Variants in MBOAT2 observed in about 807,000 individuals in gnomAD.
The protein encoded by MBOAT2 is membrane-bound glycerophospholipid O-acyltransferase 2.
MBOAT2 carries 28 observed loss-of-function variants against 63.4 expected under a neutral mutation model. That is an observed-to-expected ratio of 0.44 (90% CI 0.33 to 0.61). MBOAT2 has a LOEUF of 0.61. Ranked by LOEUF, MBOAT2 falls within the 20% of genes least tolerant of loss-of-function variation. MBOAT2 has a pLI of 0.03. For missense variants in MBOAT2, 470 were observed against 605.8 expected (o/e 0.78, Z 2.35); for synonymous variants, 211 against 215.6 (o/e 0.98, Z 0.19).
chr2:8,874,529 A>G (rs1020112647), intron 7 of MBOAT2, among the ~76,000 whole-genome samples: 3 of 152,144 alleles, frequency 2.0e-5, no homozygotes, highest in African/African-American at 7.2e-5. Flanking sequence ...CCACGAGACT[A>G]TATGGTTCTG....
chr2:8,891,915 C>T (rs954835241), intron 4 of MBOAT2, among the ~76,000 whole-genome samples: 1 of 152,210 alleles, frequency 6.6e-6, no homozygotes, highest in African/African-American at 2.4e-5. Flanking sequence ...TGAAATATAA[C>T]TGTCCAAAGT....
chr2:8,963,306 C>A (rs1266878687), intron 1 of MBOAT2, among the ~76,000 whole-genome samples: 1 of 151,780 alleles, frequency 6.6e-6, no homozygotes, highest in African/African-American at 2.4e-5. Context: ...CAAAAAGAAA[C>A]TAATTTTTTT....
At position 8,855,504 on chromosome 2, in the gene MBOAT2, T is replaced by C. The variant is rs1661025468; in HGVS notation, c.*3175A>G. 1.3e-5 allele frequency: 2 copies of C among 152,344 alleles called. No homozygotes were observed. Among genetic ancestry groups the C allele is most frequent in the South Asian group, 2.1e-4 (1 of 4,826 alleles). The allele number at this position is 152,344 out of a possible 1,614,324, so 9.4% of individuals were successfully genotyped here. A position where few individuals can be genotyped will look rare whatever the true frequency, so the allele number is the denominator to read the frequency against. ...GAAATCCTGTGTGTGTCACACATGG[T>C]GGAGACCAATAAATATATTTTTGAA... On this transcript the variant is annotated 3_prime_UTR_variant, in exon 13 of 13. Transcript: ENST00000305997.
At chr2:8,894,232 T>A (rs1327767888) in intron 4 of MBOAT2, among the ~76,000 whole-genome samples, 1 of 152,194 alleles carries the variant, frequency 6.6e-6, no homozygotes, top group Non-Finnish European at 1.5e-5. Flanking sequence ...CCACACTGCT[T>A]TGTGAACACA....
intron 6 of MBOAT2, among the ~76,000 whole-genome samples, chr2:8,880,696 CAG>C (rs1663051485): frequency 6.6e-6 from 1 of 152,130 alleles, no homozygotes; most frequent in Admixed American, 6.5e-5. Context: ...GCAGAAGAGA[CAG>C]AGAGAAAGAG....
intron 6 of MBOAT2, among the ~76,000 whole-genome samples, chr2:8,877,773 G>C (rs1345321814): frequency 6.6e-6 from 1 of 152,182 alleles, no homozygotes; most frequent in East Asian, 1.9e-4. Flanking sequence ...AGGAAGAAGT[G>C]AGAGGAGTTG....
At chr2:8,993,951 A>G (rs929528299) in intron 1 of MBOAT2, among the ~76,000 whole-genome samples, 1 of 152,200 alleles carries the variant, frequency 6.6e-6, no homozygotes, top group Non-Finnish European at 1.5e-5. Context: ...CTCCGTGTGC[A>G]TTGTCTCCTC....
chr2:8,858,482 C>T lies in MBOAT2; in HGVS notation c.*197G>A, dbSNP rs1314935391. ...AATATGGAAATATTCTTACATAAGG[C>T]GTGGCCCACGGAGACATGGCATGGG... is the stretch of plus-strand genomic sequence containing the variant. On this transcript the variant is annotated 3_prime_UTR_variant, in exon 13 of 13. Transcript: ENST00000305997. 18 of 525,456 alleles carry T rather than the reference C, an allele frequency of 3.4e-5. No homozygotes were observed. Among genetic ancestry groups the T allele is most frequent in the Middle Eastern group, 4.5e-4 (1 of 2,200 alleles). 32.5% of individuals were successfully genotyped at this position (525,456 alleles called of 1,614,324 possible).
At position 8,856,553 on chromosome 2, in the gene MBOAT2, TTTTC is replaced by T. The variant is rs1397741637; in HGVS notation, c.*2122_*2125del. Reference sequence around the variant, plus strand: ...CATTAAACAGCTGGCATAATTTCTTTTTTCTTTTTTTTTTTTTGTGAGACGGAGT... The same window carrying T: ...CATTAAACAGCTGGCATAATTTCTTTTTTTTTTTTTTTTGTGAGACGGAGT... On this transcript the variant is annotated 3_prime_UTR_variant, in exon 13 of 13. Coordinates refer to ENST00000305997, the MANE Select transcript of MBOAT2 (RefSeq NM_138799.4). The surrounding 1 kb of genome is among the most constrained non-coding windows in gnomAD (Gnocchi z 4.2). 3.9e-4 allele frequency: 60 copies of T among 151,990 alleles called. No individual in the cohort carries two copies. Among genetic ancestry groups the T allele is most frequent in the Middle Eastern group, 3.4e-3 (1 of 296 alleles). The allele number at this position is 151,990 out of a possible 1,614,324, so 9.4% of individuals were successfully genotyped here.
intron 1 of MBOAT2, among the ~76,000 whole-genome samples, chr2:8,985,258 T>C (rs1671482145): frequency 2.0e-5 from 3 of 152,292 alleles, no homozygotes; most frequent in Non-Finnish European, 2.9e-5. Context: ...TTTTTCACAA[T>C]GCTTTCAGGG....
intron 1 of MBOAT2, among the ~76,000 whole-genome samples, chr2:8,975,511 G>T (rs1437746211): frequency 6.6e-6 from 1 of 152,008 alleles, no homozygotes; most frequent in Non-Finnish European, 1.5e-5. Flanking sequence ...ATGAGCACGT[G>T]GGGGCAAGAA....
chr2:8,980,207 T>C (rs935848705), intron 1 of MBOAT2, among the ~76,000 whole-genome samples: 3 of 152,150 alleles, frequency 2.0e-5, no homozygotes, highest in African/African-American at 7.2e-5. Context: ...AAAACAGCAG[T>C]AGAGATGCAA....
At chr2:8,884,977 T>C (rs1165980410) in intron 5 of MBOAT2, among the ~76,000 whole-genome samples, 2 of 152,224 alleles carry the variant, frequency 1.3e-5, no homozygotes. Flanking sequence ...ACAAGACTTC[T>C]GAGCCCTGGC....
At chr2:8,866,563 A>G (rs1661912883) in intron 9 of MBOAT2, among the ~76,000 whole-genome samples, 1 of 152,246 alleles carries the variant, frequency 6.6e-6, no homozygotes, top group Non-Finnish European at 1.5e-5. Flanking sequence ...CAATAAATAA[A>G]GACTTTTTAA....
At chr2:8,945,355 T>C (rs1668341326) in intron 2 of MBOAT2, among the ~76,000 whole-genome samples, 1 of 152,138 alleles carries the variant, frequency 6.6e-6, no homozygotes. Flanking sequence ...CTCTGCTTGT[T>C]CTCATTGGTA....
intron 1 of MBOAT2, among the ~76,000 whole-genome samples, chr2:8,973,664 G>A (rs1026991868): frequency 6.6e-6 from 1 of 151,098 alleles, no homozygotes; most frequent in Non-Finnish European, 1.5e-5. Flanking sequence ...AAAGTAGGCA[G>A]AGCATAGGCA....
intron 1 of MBOAT2, among the ~76,000 whole-genome samples, chr2:9,001,641 G>T (rs1672697516): frequency 6.6e-6 from 1 of 152,162 alleles, no homozygotes; most frequent in Non-Finnish European, 1.5e-5. Flanking sequence ...AAAGAAGGAT[G>T]TCAAAAATTT....
intron 3 of MBOAT2, among the ~76,000 whole-genome samples, chr2:8,932,604 T>C (rs1667399346): frequency 6.6e-6 from 1 of 152,214 alleles, no homozygotes; most frequent in Admixed American, 6.5e-5. Flanking sequence ...ACAAGACTAA[T>C]GAATTTCACA....
chr2:8,907,216 A>G (rs942888930), intron 4 of MBOAT2, among the ~76,000 whole-genome samples: 2 of 152,186 alleles, frequency 1.3e-5, no homozygotes, highest in Non-Finnish European at 2.9e-5. Context: ...CTTTGCCCAC[A>G]TGGCTCCAGT....
Sources: allele counts gnomAD v4.1 joint callset (sites outside exome capture counted in the v4.1 genomes callset), GRCh38; gene constraint gnomAD v4.1.1; non-coding constraint Gnocchi (gnomAD v3.1); transcripts MANE v1.5; gene names NCBI Gene and HGNC (gene_info 2026-07-23, HGNC 2026-07-21).